SYNE1: variants seen among roughly 807,000 people sequenced by gnomAD.
SYNE1 encodes the protein nesprin-1.
SYNE1 carries 616 observed loss-of-function variants against 1,111.0 expected under a neutral mutation model. The ratio of observed to expected loss-of-function variants is 0.55; its 90% confidence interval spans 0.52 to 0.59. The LOEUF is 0.59. Among genes scored for constraint, SYNE1 ranks in the 20% least tolerant of loss-of-function variants. The pLI, the probability that SYNE1 is intolerant of heterozygous loss-of-function variation, is 0.00. For synonymous variants in SYNE1, 3,855 were observed against 3,825.8 expected, an observed-to-expected ratio of 1.01 and a Z score of -0.28; for missense variants, 10,006 against 10,417.0, an observed-to-expected ratio of 0.96 and a Z score of 1.72.
intron 29 of SYNE1, among the ~76,000 whole-genome samples, 183 bp from the exon 30 acceptor site, chr6:152,444,761 G>GT (rs2098562474): frequency 6.6e-6 from 1 of 151,870 alleles, no homozygotes; most frequent in African/African-American, 2.4e-5. Context: ...TTCTCCTTTT[G>GT]TTTTTTTGTG....
rs138617999 is a variant in SYNE1, at chr6:152,428,359, C to T, written c.4822G>A (p.Ala1608Thr). 1.5e-3 allele frequency: 2,380 copies of T among 1,613,960 alleles called. 2 individuals are homozygous for T. The highest frequency in any genetic ancestry group is 1.9e-3 in the Non-Finnish European group (2,216 of 1,180,018). The change falls in exon 37 of 146, where the codon GCG becomes ACG. Residue 1608 changes from alanine to threonine, a missense_variant. Coordinates refer to ENST00000367255, the MANE Select transcript of SYNE1 (RefSeq NM_182961.4). ...GCACTGGCTGAGAAGGCAGTGATCGCGCTGCTCAGTGACTCCAGGGCCTGG... is the reference window on the plus strand; with the variant it reads ...GCACTGGCTGAGAAGGCAGTGATCGTGCTGCTCAGTGACTCCAGGGCCTGG... Reference protein sequence around the residue: ...LCQALESLSSAITAFSASARK... With the variant: ...LCQALESLSSTITAFSASARK...
rs1232897160 is a variant in SYNE1 at position 152,441,130 on chromosome 6, CTTTG to C, written c.4145_4148del (p.Thr1382ArgfsTer18). On this transcript the variant is annotated frameshift_variant and splice_region_variant, in exon 32 of 146. Transcript: ENST00000367255. LOFTEE classifies it high-confidence loss of function. The stretch of plus-strand genomic sequence containing the variant: ...TGGGTACCAAGGAGCCATAATATAC[CTTTG>C]TTTGTTCCAGTTCTGAAGATAAACT... 1 of 1,613,058 alleles carries C rather than the reference CTTTG, an allele frequency of 6.2e-7. No individual in the cohort carries two copies.
At chr6:152,363,593 GT>G (rs2096989216) in intron 63 of SYNE1, 1 of 201,054 alleles carries the variant, frequency 5.0e-6, no homozygotes, top group Non-Finnish European at 1.1e-5. Flanking sequence ...GTACTACCAG[GT>G]TTTGGGTCCT....
chr6:152,311,066 G>A, intron 87 of SYNE1, 193 bp from the exon 88 acceptor site: 1 of 641,060 alleles, frequency 1.6e-6, no homozygotes, highest in Non-Finnish European at 2.8e-6. Context: ...AGAAATCACA[G>A]TTTAGGAACT....
At chr6:152,190,638 A>G (rs1405520641) in intron 127 of SYNE1, among the ~76,000 whole-genome samples, 1 of 152,178 alleles carries the variant, frequency 6.6e-6, no homozygotes, top group Non-Finnish European at 1.5e-5. Flanking sequence ...CTTACTGACT[A>G]CATTTGCCTT....
At chr6:152,636,561 T>A (rs979949243) in intron 2 of SYNE1, 77 bp downstream of exon 2, 1 of 153,018 alleles carries the variant, frequency 6.5e-6, no homozygotes, top group Non-Finnish European at 1.5e-5. Context: ...TTGTCTGCAA[T>A]GTGTTCGTCT....
At position 152,330,869 on chromosome 6, in the gene SYNE1, G is replaced by A; in HGVS notation, c.13816C>T (p.Gln4606Ter). ...TCTGGAGATTGTTCAAGAATGTTTT[G>A]GTATTTAGCCAGTTGTGTATGAAGC... is the stretch of plus-strand genomic sequence containing the variant. ...SELHTQLAKY[Q>*]NILEQSPEYE... Residue 4606 changes from glutamine (Q) to a stop codon, truncating the protein, a stop_gained, in exon 78 of 146, where the codon CAA becomes TAA. Coordinates refer to ENST00000367255, the MANE Select transcript of SYNE1 (RefSeq NM_182961.4). LOFTEE classifies it high-confidence loss of function. 6.2e-7 allele frequency: 1 copy of A among 1,614,040 alleles called. No homozygotes were observed. The highest frequency in any genetic ancestry group is 8.5e-7 in the Non-Finnish European group (1 of 1,179,976).
At chr6:152,440,721 C>T (rs1333614225) in intron 32 of SYNE1, among the ~76,000 whole-genome samples, 1 of 151,892 alleles carries the variant, frequency 6.6e-6, no homozygotes, top group African/African-American at 2.4e-5. Flanking sequence ...GTGTGTGTCA[C>T]CATGGCCAGC....
intron 140 of SYNE1, among the ~76,000 whole-genome samples, chr6:152,139,309 G>A (rs548826276): frequency 3.3e-5 from 5 of 152,236 alleles, no homozygotes; most frequent in African/African-American, 9.6e-5. Context: ...GGTGGCTCAT[G>A]CCTGTAATCC....
chr6:152,211,881 T>G (rs1430168569), intron 123 of SYNE1, among the ~76,000 whole-genome samples: 1 of 152,158 alleles, frequency 6.6e-6, no homozygotes, highest in Non-Finnish European at 1.5e-5. Flanking sequence ...TAATGCACAA[T>G]TTGTTTTCTG....
At position 152,511,058 on chromosome 6, in the gene SYNE1, G is replaced by A. The variant is rs759699298; in HGVS notation, c.355C>T (p.Pro119Ser). The A allele has an allele frequency of 6.2e-7, 1 of 1,614,030 alleles. No homozygotes were observed. Among genetic ancestry groups the A allele is most frequent in the Non-Finnish European group, 8.5e-7 (1 of 1,179,934 alleles). ...INSTDIADGR[P>S]SIVLGLMWTI... is the part of the protein sequence containing the mutation. The stretch of plus-strand genomic sequence containing the variant: ...CACATCAATCCAAGAACTATTGAGG[G>A]TCGGCCATCAGCTATATCGGTGGAG... The change falls in exon 7 of 146, where the codon CCC becomes TCC. Residue 119 changes from proline to serine, a missense_variant. Physicochemically the swap from Pro to Ser is moderately conservative, Grantham distance 74. Transcript: ENST00000367255.
chr6:152,394,094 G>C (rs754906022), intron 51 of SYNE1, among the ~76,000 whole-genome samples: 3 of 152,166 alleles, frequency 2.0e-5, no homozygotes, highest in Non-Finnish European at 2.9e-5. Context: ...TTCTGTTCCT[G>C]TATTAGTTTG....
intron 104 of SYNE1, among the ~76,000 whole-genome samples, chr6:152,254,389 T>TACA (rs1489166333): frequency 6.6e-6 from 1 of 151,638 alleles, no homozygotes; most frequent in Non-Finnish European, 1.5e-5. Context: ...TAGCTGGGAT[T>TACA]ACAGGCCTGC....
chr6:152,269,158 T>C lies in SYNE1; in HGVS notation c.18702A>G (p.Gln6234=), dbSNP rs370090457. Residue 6234 remains glutamine, a synonymous_variant, in exon 99 of 146, where the codon CAA becomes CAG. Transcript: ENST00000367255. ...AGAGAGGTAGGAAACACTTTACTTTTTGTTGCTGGAGACTGCTCTGCCGCT... is the reference window on the plus strand; with the variant it reads ...AGAGAGGTAGGAAACACTTTACTTTCTGTTGCTGGAGACTGCTCTGCCGCT... The part of the protein sequence containing the change: ...TQQRQSSLQQ[Q]KELEQELAEQ... The C allele has an allele frequency of 3.0e-5, 48 of 1,614,090 alleles. No homozygotes were observed. In the Admixed American group the frequency reaches 3.5e-4, roughly 12 times the overall value.
At chr6:152,284,610 A>ATTTTTTTTTTTTTTT (rs760978831) in intron 95 of SYNE1, among the ~76,000 whole-genome samples, 1 of 108,150 alleles carries the variant, frequency 9.2e-6, no homozygotes, top group African/African-American at 3.6e-5. Context: ...ACACCTGGTA[A>ATTTTTTTTTTTTTTT]TTTTTTTTTT....
At chr6:152,563,419 A>G (rs2099401420) in intron 3 of SYNE1, among the ~76,000 whole-genome samples, 1 of 152,158 alleles carries the variant, frequency 6.6e-6, no homozygotes, top group Admixed American at 6.5e-5. Context: ...CGATTTATAA[A>G]AAGTGCTTCA....
chr6:152,234,035 T>G, intron 111 of SYNE1, 72 bp from the exon 112 acceptor site: 1 of 1,491,768 alleles, frequency 6.7e-7, no homozygotes, highest in Non-Finnish European at 9.2e-7. Context: ...GCGACCAATT[T>G]AGTGCATGAA....
chr6:152,282,062 GC>G (rs2094061458), intron 96 of SYNE1, 82 bp from the exon 97 acceptor site: 1 of 1,438,092 alleles, frequency 7.0e-7, no homozygotes, highest in South Asian at 1.2e-5. Context: ...ATGGTTCCAG[GC>G]CCTGGCTGTA....
chr6:152,318,958 G>T lies in SYNE1; in HGVS notation c.16294C>A (p.Arg5432=), dbSNP rs575137601. The change falls in exon 85 of 146, where the codon CGG becomes AGG. Residue 5432 remains arginine, a synonymous_variant. Transcript: ENST00000367255. ...TCTTTAGCTAACTTCTGAATTTGCC[G>T]GCTGAGTTCCTGGCTCGTGGCCTTG... ...QSKATSQELS[R]QIQKLAKDLT... is the part of the protein sequence containing the mutation. 6.2e-7 allele frequency: 1 copy of T among 1,614,122 alleles called. No individual in the cohort carries two copies. The highest frequency in any genetic ancestry group is 8.5e-7 in the Non-Finnish European group (1 of 1,180,026).
Sources: allele counts gnomAD v4.1 joint callset (sites outside exome capture counted in the v4.1 genomes callset), GRCh38; gene constraint gnomAD v4.1.1; transcripts MANE v1.5; gene names NCBI Gene and HGNC (gene_info 2026-07-23, HGNC 2026-07-21).